The following LRP1B variants were observed in gnomAD, a reference collection of about 807,000 sequenced individuals.
LRP1B encodes LDL receptor related protein 1B.
A neutral mutation model predicts 556.6 loss-of-function variants in LRP1B; 217 were observed. The ratio of observed to expected loss-of-function variants is 0.39; its 90% CI spans 0.35 to 0.44. The LOEUF is 0.44. LRP1B is among the 20% of genes least tolerant of loss of function. The probability of loss-of-function intolerance (pLI) is 1.00; values close to 1 mark genes in which losing one functional copy is unlikely to be tolerated. For missense variants in LRP1B, 5,053 were observed against 5,620.8 expected (o/e 0.90, Z 3.23); for synonymous variants, 2,047 against 1,865.8 (o/e 1.10, Z -2.50).
chr2:140,568,171 T>C (rs1431560827), intron 43 of LRP1B, among the ~76,000 whole-genome samples: 2 of 106,744 alleles, frequency 1.9e-5, no homozygotes, highest in Non-Finnish European at 4.0e-5. Context: ...AAATTCAAAA[T>C]AATAATCTTA....
At chr2:141,568,045 T>C (rs926103536) in intron 2 of LRP1B, among the ~76,000 whole-genome samples, 1 of 150,888 alleles carries the variant, frequency 6.6e-6, no homozygotes, top group Non-Finnish European at 1.5e-5. Context: ...AGCATAGAAC[T>C]GTCCAGAGTC....
intron 25 of LRP1B, among the ~76,000 whole-genome samples, chr2:140,872,042 G>A (rs1411149896): frequency 8.8e-6 from 1 of 113,360 alleles, no homozygotes; most frequent in Non-Finnish European, 1.9e-5. Flanking sequence ...GTATTTAAAA[G>A]TCCTTCATGT....
rs575154378 is a variant in LRP1B, at chr2:140,962,808, G to A, written c.2888-10868C>T. On this transcript the variant is annotated intron_variant, in intron 18 of 90. Transcript: ENST00000389484. ...TTTGTGTTGTTATTTATTTCATTTC[G>A]TTTTGTTTTTTGGTAGTTAGATGTG... 7.2e-5 allele frequency among the ~76,000 whole-genome samples: 11 copies of A among 152,242 alleles called. 1 individual carries two copies. The South Asian group carries it at 8.3e-4, about 11-fold the overall frequency.
chr2:141,276,251 G>A (rs1224427495), intron 3 of LRP1B, among the ~76,000 whole-genome samples: 1 of 151,676 alleles, frequency 6.6e-6, no homozygotes, highest in Non-Finnish European at 1.5e-5. Context: ...ACTTACCACA[G>A]TCTGTAAATT....
chr2:140,653,702 G>T (rs1482267277), intron 41 of LRP1B, among the ~76,000 whole-genome samples: 1 of 151,990 alleles, frequency 6.6e-6, no homozygotes, highest in Non-Finnish European at 1.5e-5. Context: ...CATGTATGGA[G>T]ATAAATATGC....
chr2:140,257,859 A>G (rs1308757577), intron 86 of LRP1B, among the ~76,000 whole-genome samples: 1 of 152,096 alleles, frequency 6.6e-6, no homozygotes, highest in African/African-American at 2.4e-5. Flanking sequence ...ACTCATGACA[A>G]CTTCCTTAGG....
chr2:141,902,688 TTGAAA>T (rs2104936647), intron 1 of LRP1B, among the ~76,000 whole-genome samples: 1 of 150,386 alleles, frequency 6.6e-6, no homozygotes, highest in South Asian at 2.1e-4. Context: ...GAACTTACTC[TTGAAA>T]TGAACAAATG....
chr2:141,728,207 C>A (rs756567999), intron 2 of LRP1B, among the ~76,000 whole-genome samples: 5 of 152,142 alleles, frequency 3.3e-5, no homozygotes, highest in Non-Finnish European at 7.4e-5. Context: ...AGTTCTCTAG[C>A]ACCTCTCTGC....
intron 1 of LRP1B, among the ~76,000 whole-genome samples, chr2:141,867,441 AATAAATT>A (rs749538505): frequency 7.4e-4 from 112 of 152,174 alleles, no homozygotes; most frequent in African/African-American, 2.6e-3. Flanking sequence ...TTTTCAAATA[AATAAATT>A]ATAAACTGAG....
chr2:140,891,840 A>AT (rs935653379), intron 23 of LRP1B, among the ~76,000 whole-genome samples: 2 of 152,066 alleles, frequency 1.3e-5, no homozygotes, highest in Non-Finnish European at 2.9e-5. Flanking sequence ...TTAAGAACCA[A>AT]TTTTTTGTTT....
chr2:141,105,050 A>C (rs1017663143), intron 7 of LRP1B, among the ~76,000 whole-genome samples: 2 of 152,098 alleles, frequency 1.3e-5, no homozygotes, highest in African/African-American at 2.4e-5. Context: ...AAATTGGCTT[A>C]GCATGATGAC....
chr2:140,881,401 T>C (rs1181290622), intron 25 of LRP1B, among the ~76,000 whole-genome samples: 1 of 152,066 alleles, frequency 6.6e-6, no homozygotes, highest in Admixed American at 6.6e-5. Context: ...AATATTCACA[T>C]TACATTATTA....
At chr2:141,839,011 T>C (rs1343018025) in intron 1 of LRP1B, among the ~76,000 whole-genome samples, 1 of 152,160 alleles carries the variant, frequency 6.6e-6, no homozygotes, top group Non-Finnish European at 1.5e-5. Context: ...GAGAGGACAT[T>C]GATGGTTTTC....
intron 1 of LRP1B, among the ~76,000 whole-genome samples, chr2:141,894,105 A>G (rs538257894): frequency 5.5e-4 from 84 of 152,256 alleles, no homozygotes; most frequent in African/African-American, 1.9e-3. Context: ...AACATATATC[A>G]TTACCTTTAC....
chr2:140,424,658 TGAA>T (rs1348120755), intron 66 of LRP1B, among the ~76,000 whole-genome samples: 2 of 152,188 alleles, frequency 1.3e-5, no homozygotes, highest in Non-Finnish European at 2.9e-5. Context: ...CAGTCCATAT[TGAA>T]GAAGACAATG....
chr2:141,787,903 TC>T (rs1695478053), intron 2 of LRP1B, among the ~76,000 whole-genome samples: 1 of 152,014 alleles, frequency 6.6e-6, no homozygotes, highest in African/African-American at 2.4e-5. Flanking sequence ...TTTTTACTTT[TC>T]CATAAGTTTA....
At chr2:141,059,273 T>C (rs1414588126) in intron 8 of LRP1B, among the ~76,000 whole-genome samples, 1 of 151,746 alleles carries the variant, frequency 6.6e-6, no homozygotes, top group Non-Finnish European at 1.5e-5. Context: ...GTTCCAAATG[T>C]AGGGACAGAA....
intron 41 of LRP1B, among the ~76,000 whole-genome samples, chr2:140,651,352 T>G: frequency 2.2e-5 from 1 of 45,060 alleles, no homozygotes. Flanking sequence ...GGGACTGTTG[T>G]GGGGTGGGGG....
At chr2:140,521,464 T>A (rs1358835187) in intron 49 of LRP1B, among the ~76,000 whole-genome samples, 1 of 151,840 alleles carries the variant, frequency 6.6e-6, no homozygotes, top group Admixed American at 6.6e-5. Flanking sequence ...AAAGGAGAAA[T>A]AAAGTCTTTC....
Sources: gnomAD v4.1 joint callset for allele counts (sites outside exome capture counted in the v4.1 genomes callset) on GRCh38, gnomAD v4.1.1 for gene constraint, MANE v1.5 for transcripts, NCBI Gene and HGNC (gene_info 2026-07-23, HGNC 2026-07-21) for gene names.